UBASH3B: variants seen among roughly 807,000 people sequenced by gnomAD.
UBASH3B encodes the protein ubiquitin-associated and SH3 domain-containing protein B.
In UBASH3B, 37 loss-of-function variants were observed where a neutral mutation model predicts 83.4. The ratio of observed to expected loss-of-function variants is 0.44; its 90% confidence interval spans 0.34 to 0.58. The LOEUF (loss-of-function observed/expected upper bound fraction) is 0.58. UBASH3B is among the 20% of genes least tolerant of loss of function. UBASH3B has a pLI of 0.01. For missense variants in UBASH3B, 657 were observed against 827.2 expected (o/e 0.79, Z 2.52); for synonymous variants, 304 against 318.3 (o/e 0.96, Z 0.48).
At chr11:122,733,421 A>G (rs1408338240) in intron 1 of UBASH3B, among the ~76,000 whole-genome samples, 1 of 152,226 alleles carries the variant, frequency 6.6e-6, no homozygotes, top group Non-Finnish European at 1.5e-5. Context: ...AAGTATGTCA[A>G]CGATAAGTCA....
At chr11:122,701,077 C>A (rs1157387398) in intron 1 of UBASH3B, among the ~76,000 whole-genome samples, 2 of 152,222 alleles carry the variant, frequency 1.3e-5, no homozygotes, top group Non-Finnish European at 2.9e-5. Flanking sequence ...AGCATTCTGA[C>A]CCTGTCAAGC....
rs1391792191 is a variant in UBASH3B at position 122,656,028 on chromosome 11, G to T, written c.-22G>T. 2.6e-6 allele frequency: 4 copies of T among 1,558,204 alleles called. No individual in the cohort carries two copies. The East Asian group carries it at 7.5e-5, about 29-fold the overall frequency. On this transcript the variant is annotated 5_prime_UTR_variant, in exon 1 of 14. Coordinates refer to ENST00000284273, the MANE Select transcript of UBASH3B (RefSeq NM_032873.5). ...ACCATCCGGCTCGGGCTCCTTCCCT[G>T]GCGATGGCTGGCCGCTGAGCCATGG...
At chr11:122,685,408 T>C (rs1373591926) in intron 1 of UBASH3B, among the ~76,000 whole-genome samples, 1 of 152,228 alleles carries the variant, frequency 6.6e-6, no homozygotes, top group Non-Finnish European at 1.5e-5. Flanking sequence ...TAGGGTAGGG[T>C]TTCCCTCTGA....
intron 1 of UBASH3B, among the ~76,000 whole-genome samples, chr11:122,662,541 C>T (rs962818595): frequency 8.7e-4 from 132 of 151,968 alleles, no homozygotes; most frequent in African/African-American, 3.0e-3. Flanking sequence ...AAGTGATTCT[C>T]CTGCCTCAGC....
At position 122,717,045 on chromosome 11, in the gene UBASH3B, T is replaced by G. The variant is rs147436512; in HGVS notation, c.162-59174T>G. On this transcript the variant is annotated intron_variant, in intron 1 of 13. Transcript: ENST00000284273. ...AAGGTGTAACAAACTGAACAAGACTTTACTAGCAGCTCAGGATCAGGACTA... is the reference window on the plus strand; with the variant it reads ...AAGGTGTAACAAACTGAACAAGACTGTACTAGCAGCTCAGGATCAGGACTA... Among the ~76,000 whole-genome samples, 907 of 152,264 alleles carry G rather than the reference T, an allele frequency of 6.0e-3. 9 individuals carry two copies. The highest frequency in any genetic ancestry group is 0.021 in the African/African-American group (864 of 41,544).
At chr11:122,690,054 G>T (rs918300827) in intron 1 of UBASH3B, among the ~76,000 whole-genome samples, 3 of 150,920 alleles carry the variant, frequency 2.0e-5, no homozygotes, top group Non-Finnish European at 4.4e-5. Flanking sequence ...CTCTGGGGAG[G>T]GTCTTCTGAC....
intron 5 of UBASH3B, 131 bp from the exon 6 acceptor site, chr11:122,788,968 GA>G: frequency 2.6e-6 from 2 of 773,948 alleles, no homozygotes; most frequent in East Asian, 4.9e-5. Context: ...AGGGCCTGCA[GA>G]CCCCAAGGGC....
intron 1 of UBASH3B, among the ~76,000 whole-genome samples, chr11:122,762,821 C>A (rs1860466891): frequency 6.6e-6 from 1 of 152,168 alleles, no homozygotes; most frequent in Non-Finnish European, 1.5e-5. Context: ...GTCTTCTGGT[C>A]CCCAGTCTCA....
At chr11:122,748,659 T>C (rs968127855) in intron 1 of UBASH3B, among the ~76,000 whole-genome samples, 2 of 152,184 alleles carry the variant, frequency 1.3e-5, no homozygotes, top group South Asian at 2.1e-4. Flanking sequence ...CCACAGAAGA[T>C]TGTGAACCCA....
intron 1 of UBASH3B, among the ~76,000 whole-genome samples, chr11:122,712,944 G>A (rs1250245875): frequency 5.3e-5 from 6 of 112,228 alleles, no homozygotes; most frequent in Admixed American, 2.8e-4. Flanking sequence ...ATCTCGCTCT[G>A]TCGCCCAGGC....
intron 6 of UBASH3B, among the ~76,000 whole-genome samples, chr11:122,793,956 C>T (rs948875625): frequency 6.6e-6 from 1 of 152,090 alleles, no homozygotes; most frequent in Non-Finnish European, 1.5e-5. Context: ...GTGAAAATAC[C>T]CCCCATCACT....
chr11:122,767,526 T>A (rs1264925434), intron 1 of UBASH3B, among the ~76,000 whole-genome samples: 2 of 152,080 alleles, frequency 1.3e-5, no homozygotes, highest in Non-Finnish European at 2.9e-5. Flanking sequence ...TTGGCCAGGA[T>A]GGTCTCGATC....
At chr11:122,693,980 T>G (rs1044403287) in intron 1 of UBASH3B, among the ~76,000 whole-genome samples, 4 of 152,226 alleles carry the variant, frequency 2.6e-5, no homozygotes, top group African/African-American at 9.7e-5. Flanking sequence ...ATGTGACATT[T>G]GAAGCTCTGG....
chr11:122,726,087 T>C (rs1860735200), intron 1 of UBASH3B: 1 of 152,226 alleles, frequency 6.6e-6, no homozygotes, highest in Admixed American at 6.5e-5. Flanking sequence ...ATAGGAAGGT[T>C]TACACACAAG....
intron 3 of UBASH3B, among the ~76,000 whole-genome samples, chr11:122,778,586 T>C (rs1860783769): frequency 6.8e-6 from 1 of 146,382 alleles, no homozygotes; most frequent in African/African-American, 2.6e-5. Flanking sequence ...CAAGGAGAAC[T>C]TTGATTTTTT....
intron 1 of UBASH3B, among the ~76,000 whole-genome samples, chr11:122,774,930 C>G (rs1286380037): frequency 6.6e-6 from 1 of 152,290 alleles, no homozygotes; most frequent in Middle Eastern, 3.4e-3. Context: ...CTTAGTGCAG[C>G]CTTCCCCAGC....
chr11:122,759,029 A>C lies in UBASH3B; in HGVS notation c.162-17190A>C, dbSNP rs897891991. 2.6e-5 allele frequency among the ~76,000 whole-genome samples: 4 copies of C among 152,212 alleles called. No individual in the cohort carries two copies. Among genetic ancestry groups the C allele is most frequent in the Non-Finnish European group, 5.9e-5 (4 of 68,030 alleles). ...CCCAGTTTCTGTAGGTCAGGAGCCC[A>C]GGCATGGCTTGACTGGGTTCTCTGC... On this transcript the variant is annotated intron_variant, in intron 1 of 13. Transcript: ENST00000284273. This position sits in a 1 kb window ranked among gnomAD's most constrained non-coding sequence, Gnocchi z 4.1.
rs1469940208 is a variant in UBASH3B, at chr11:122,699,527, C to CTT, written c.161+43319_161+43320dup. Among the ~76,000 whole-genome samples the CTT allele has an allele frequency of 3.5e-5, 3 of 85,368 alleles. No individual in the cohort carries two copies. The East Asian group carries it at 1.6e-3, about 47-fold the overall frequency. The allele number at this position is 85,368 out of a possible 152,430, so 56.0% of individuals were successfully genotyped here. On this transcript the variant is annotated intron_variant, in intron 1 of 13. Transcript: ENST00000284273. Reference sequence around the variant, plus strand: ...TTTCTTTCTTTCTTTCTCTTTCTTTCTTTCTCTTTCTTTCTTTCTTTCTTT... The same window carrying CTT: ...TTTCTTTCTTTCTTTCTCTTTCTTTCTTTTTCTCTTTCTTTCTTTCTTTCTTT...
At chr11:122,731,822 T>G (rs1170300904) in intron 1 of UBASH3B, among the ~76,000 whole-genome samples, 1 of 152,224 alleles carries the variant, frequency 6.6e-6, no homozygotes, top group Non-Finnish European at 1.5e-5. Context: ...CTAGTTTGTT[T>G]AAATGTTTGC....
Sources: allele counts gnomAD v4.1 joint callset (sites outside exome capture counted in the v4.1 genomes callset), GRCh38; gene constraint gnomAD v4.1.1; non-coding constraint Gnocchi (gnomAD v3.1); transcripts MANE v1.5; gene names NCBI Gene and HGNC (gene_info 2026-07-23, HGNC 2026-07-21).